LAMC3: variants seen among roughly 807,000 people sequenced by gnomAD.
LAMC3 encodes the protein laminin subunit gamma 3.
In LAMC3, 128 loss-of-function variants were observed where a neutral mutation model predicts 173.8. That is an observed-to-expected ratio of 0.74 (90% CI 0.64 to 0.85). The LOEUF (loss-of-function observed/expected upper bound fraction) is 0.85. LAMC3 is among the 40% of genes least tolerant of loss of function. The pLI is 0.00. For missense variants in LAMC3, 2,022 were observed against 2,156.0 expected, an observed-to-expected ratio of 0.94 and a Z score of 1.23; for synonymous variants, 897 against 909.1, an observed-to-expected ratio of 0.99 and a Z score of 0.24.
intron 1 of LAMC3, among the ~76,000 whole-genome samples, chr9:131,017,701 A>AT (rs1833549478): frequency 9.0e-6 from 1 of 110,756 alleles, no homozygotes; most frequent in African/African-American, 3.6e-5. Context: ...TGCAGCCTGG[A>AT]TGACAGCAAG....
chr9:131,071,606 G>T lies in LAMC3; in HGVS notation c.3192G>T (p.Gln1064His), dbSNP rs373353612. The T allele has an allele frequency of 1.1e-4, 182 of 1,596,062 alleles. No individual in the cohort carries two copies. The highest frequency in any genetic ancestry group is 6.7e-4 in the Middle Eastern group (4 of 6,006). The change falls in exon 18 of 28, where the codon CAG (glutamine) becomes CAT (histidine). Residue 1064 changes from glutamine to histidine, a missense_variant. Transcript: ENST00000361069. Reference protein sequence around the residue: ...LGEAPRGDVYQGHHLLPGARE... With the variant: ...LGEAPRGDVYHGHHLLPGARE... ...AGGCCCCAAGGGGGGACGTCTACCAGGGCCATCACCTGCTTCCAGGTACAG... is the reference window on the plus strand; with the variant it reads ...AGGCCCCAAGGGGGGACGTCTACCATGGCCATCACCTGCTTCCAGGTACAG...
intron 1 of LAMC3, among the ~76,000 whole-genome samples, chr9:131,010,441 CT>C (rs1833393272): frequency 6.6e-6 from 1 of 152,224 alleles, no homozygotes; most frequent in Admixed American, 6.5e-5. Flanking sequence ...GAGTCACTTG[CT>C]GAGCTTTGGT....
rs746834150 is a variant in LAMC3 at position 131,041,630 on chromosome 9, T to C, written c.1284-7T>C. 2.7e-5 allele frequency: 44 copies of C among 1,613,486 alleles called. No individual in the cohort carries two copies. The highest frequency in any genetic ancestry group is 3.5e-5 in the Non-Finnish European group (41 of 1,179,750). On this transcript the variant is annotated splice_polypyrimidine_tract_variant and splice_region_variant and intron_variant, in intron 6 of 27. Transcript: ENST00000361069. ...CACATTTTCCTCTTGTCCTGTCTCA[T>C]TGGCAGACCCTGCACTTGCAATCCC...
Position 131,067,125 on chromosome 9 carries a change from C to T in LAMC3, c.2513C>T (p.Thr838Ile). The change falls in exon 14 of 28, where the codon ACC becomes ATC. Residue 838 changes from threonine to isoleucine, a missense_variant. Thr to Ile is a moderately conservative substitution (Grantham distance 89). Transcript: ENST00000361069. ...CACTGCCTGCGCTGCCTGCACAACA[C>T]CACGGGTGACCACTGTGAGCACTGT... Reference protein sequence around the residue: ...SGHCLRCLHNTTGDHCEHCQE... With the variant: ...SGHCLRCLHNITGDHCEHCQE... 1 of 1,614,196 alleles carries T rather than the reference C, an allele frequency of 6.2e-7. No individual in the cohort carries two copies. Among genetic ancestry groups the T allele is most frequent in the Non-Finnish European group, 8.5e-7 (1 of 1,180,038 alleles).
intron 1 of LAMC3, among the ~76,000 whole-genome samples, chr9:131,017,992 C>G (rs2133211807): frequency 6.6e-6 from 1 of 152,156 alleles, no homozygotes; most frequent in African/African-American, 2.4e-5. Flanking sequence ...CACCACTGCA[C>G]TCCAGCCTGG....
At chr9:131,031,437 C>T (rs1216202154) in intron 2 of LAMC3, among the ~76,000 whole-genome samples, 1 of 152,216 alleles carries the variant, frequency 6.6e-6, no homozygotes, top group South Asian at 2.1e-4. Flanking sequence ...GGCCACAAGT[C>T]CCTGCTCTCG....
chr9:131,052,582 G>C lies in LAMC3; in HGVS notation c.1722G>C (p.Gln574His). The change falls in exon 10 of 28, where the codon CAG (glutamine) becomes CAC (histidine). Residue 574 changes from glutamine to histidine, a missense_variant. Coordinates refer to ENST00000361069, the MANE Select transcript of LAMC3 (RefSeq NM_006059.4). ...VPPGDSPLPV[Q>H]LRLEGTGLAL... ...CCGGGGACTCCCCACTCCCTGTACAGCTGAGGCTGGAAGGGACAGGCTTGG... is the reference window on the plus strand; with the variant it reads ...CCGGGGACTCCCCACTCCCTGTACACCTGAGGCTGGAAGGGACAGGCTTGG... 1 of 1,614,042 alleles carries C rather than the reference G, an allele frequency of 6.2e-7. No individual in the cohort carries two copies. Among genetic ancestry groups the C allele is most frequent in the Non-Finnish European group, 8.5e-7 (1 of 1,179,910 alleles).
At chr9:131,071,461 C>T in intron 17 of LAMC3, 23 bp from the exon 18 acceptor site, 1 of 1,592,390 alleles carries the variant, frequency 6.3e-7, no homozygotes, top group Non-Finnish European at 8.6e-7. Context: ...GCCTCATACA[C>T]CTTTTCTTCC....
intron 2 of LAMC3, 92 bp from the exon 3 acceptor site, chr9:131,031,953 G>A (rs2133235362): frequency 1.1e-5 from 18 of 1,609,176 alleles, no homozygotes; most frequent in South Asian, 1.1e-4. Context: ...AGGAGCTCCC[G>A]GGGCAGCCAG....
chr9:131,022,929 C>G (rs565624472), intron 1 of LAMC3, among the ~76,000 whole-genome samples: 1 of 152,074 alleles, frequency 6.6e-6, no homozygotes, highest in African/African-American at 2.4e-5. Context: ...CTGTTTTCCC[C>G]CAGTCCCCAT....
At position 131,073,264 on chromosome 9, in the gene LAMC3, C is replaced by G. The variant is rs1379263547; in HGVS notation, c.3437C>G (p.Pro1146Arg). Residue 1146 changes from proline to arginine, a missense_variant, in exon 20 of 28, where the codon CCC becomes CGC. Physicochemically the swap from Pro to Arg is moderately radical, Grantham distance 103. Coordinates refer to ENST00000361069, the MANE Select transcript of LAMC3 (RefSeq NM_006059.4). ...LASLEIPQEG[P>R]SQPTKWSHLA... ...CTACAGGAGATTCCTCAGGAAGGTC[C>G]CAGTCAGCCGACCAAATGGAGCCAC... 6.2e-7 allele frequency: 1 copy of G among 1,613,520 alleles called. No homozygotes were observed. Among genetic ancestry groups the G allele is most frequent in the Non-Finnish European group, 8.5e-7 (1 of 1,179,862 alleles).
chr9:131,025,892 G>C (rs914312894), intron 1 of LAMC3, among the ~76,000 whole-genome samples: 16 of 152,344 alleles, frequency 1.1e-4, no homozygotes, highest in Non-Finnish European at 2.2e-4. Flanking sequence ...AAGGCACAGT[G>C]CAAGGATCAG....
intron 25 of LAMC3, among the ~76,000 whole-genome samples, chr9:131,086,517 C>A (rs530925164): frequency 3.1e-4 from 47 of 151,318 alleles, no homozygotes; most frequent in African/African-American, 1.1e-3. Flanking sequence ...AAGTGATCTT[C>A]CTGCCTCAGC....
In LAMC3 at chr9:131,068,015, C is replaced by A. The variant is rs1829969657; in HGVS notation, c.2594-63C>A. The A allele has an allele frequency of 1.5e-5, 23 of 1,564,826 alleles. No homozygotes were observed. In the South Asian group the frequency reaches 2.3e-4, roughly 16 times the overall value. Reference sequence around the variant, plus strand: ...CCCCATCTCCTCTGCCTCTGTTGGACCCCCAAAGTTGGAACAGACAATCTG... The same window carrying A: ...CCCCATCTCCTCTGCCTCTGTTGGAACCCCAAAGTTGGAACAGACAATCTG... On this transcript the variant is annotated intron_variant, in intron 14 of 27. Transcript: ENST00000361069.
intron 21 of LAMC3, among the ~76,000 whole-genome samples, chr9:131,076,582 T>G (rs1588166549): frequency 6.6e-6 from 1 of 151,296 alleles, no homozygotes; most frequent in African/African-American, 2.4e-5. Context: ...TAAGGAGGAG[T>G]AAGGGATGGA....
chr9:131,089,267 A>G lies in LAMC3; in HGVS notation c.4477+1450A>G, dbSNP rs111771124. On this transcript the variant is annotated intron_variant, in intron 27 of 27. Transcript: ENST00000361069. ...TGCAGCATACCAACATGGCACATGT[A>G]TACATATGTAACAAACCTGCACGTT... Among the ~76,000 whole-genome samples the G allele has an allele frequency of 3.9e-3, 596 of 152,010 alleles. 2 individuals carry two copies. The highest frequency in any genetic ancestry group is 0.01 in the Middle Eastern group (3 of 294).
Position 131,068,210 on chromosome 9 carries a change from A to G in LAMC3, c.2726A>G (p.Gln909Arg), listed in dbSNP as rs1160626988. The G allele has an allele frequency of 2.4e-5, 38 of 1,611,192 alleles. No homozygotes were observed. Among genetic ancestry groups the G allele is most frequent in the Non-Finnish European group, 3.2e-5 (38 of 1,178,562 alleles). ...SRCYPGFFDL[Q>R]PGRGCRSCKC... ...TGCTACCCTGGCTTCTTCGACCTCCAGCCTGGGAGGGGCTGCCGGAGGTAG... is the reference window on the plus strand; with the variant it reads ...TGCTACCCTGGCTTCTTCGACCTCCGGCCTGGGAGGGGCTGCCGGAGGTAG... Residue 909 changes from glutamine to arginine, a missense_variant, in exon 15 of 28, where the codon CAG becomes CGG. Physicochemically the swap from Gln to Arg is conservative, Grantham distance 43. Coordinates refer to ENST00000361069, the MANE Select transcript of LAMC3 (RefSeq NM_006059.4).
chr9:131,030,226 C>G (rs139056099), intron 2 of LAMC3, among the ~76,000 whole-genome samples: 75 of 152,284 alleles, frequency 4.9e-4, no homozygotes, highest in African/African-American at 1.6e-3. Flanking sequence ...AAGTGTGAGC[C>G]ATCACACCAG....
At chr9:131,074,732 C>A (rs1171892842) in intron 20 of LAMC3, among the ~76,000 whole-genome samples, 1 of 150,908 alleles carries the variant, frequency 6.6e-6, no homozygotes, top group Non-Finnish European at 1.5e-5. Flanking sequence ...AGCTTAAGAT[C>A]CTAAAAACAC....
Sources: allele counts gnomAD v4.1 joint callset (sites outside exome capture counted in the v4.1 genomes callset), GRCh38; gene constraint gnomAD v4.1.1; transcripts MANE v1.5; gene names NCBI Gene and HGNC (gene_info 2026-07-23, HGNC 2026-07-21).